The following EBF1 variants were observed in gnomAD, a reference collection of about 807,000 sequenced individuals.
The protein encoded by EBF1 is EBF transcription factor 1, also known as transcription factor COE1.
Under a neutral mutation model 68.4 loss-of-function variants are expected in EBF1, and 10 were observed. The observed-to-expected ratio is 0.15, with a 90% CI of 0.09 to 0.25. The LOEUF (loss-of-function observed/expected upper bound fraction) is 0.25, where lower values mean the gene tolerates loss of function less well. EBF1 is among the 10% of genes least tolerant of loss of function. EBF1 has a pLI of 1.00. For missense variants in EBF1, 509 were observed against 794.4 expected (o/e 0.64, Z 4.32); for synonymous variants, 298 against 299.8 (o/e 0.99, Z 0.06).
At chr5:158,715,286 A>G (rs571724088) in intron 11 of EBF1, among the ~76,000 whole-genome samples, 2 of 152,352 alleles carry the variant, frequency 1.3e-5, no homozygotes, top group Admixed American at 1.3e-4. Context: ...ATGGAGAAGC[A>G]GTGCTGTTCA....
At position 158,987,401 on chromosome 5, in the gene EBF1, C is replaced by G. The variant is rs141098171; in HGVS notation, c.554+85995G>C. Among the ~76,000 whole-genome samples the G allele has an allele frequency of 5.4e-3, 830 of 152,330 alleles. 5 individuals carry two copies. The highest frequency in any genetic ancestry group is 9.9e-3 in the Non-Finnish European group (672 of 68,042). On this transcript the variant is annotated intron_variant, in intron 6 of 15. Coordinates refer to ENST00000313708, the MANE Select transcript of EBF1 (RefSeq NM_024007.5). ...TCATGTTAAGCCCTCTAGCCTTCAG[C>G]CATAGAATCTTAAGCCCTTGGGGTT...
intron 6 of EBF1, among the ~76,000 whole-genome samples, chr5:158,943,227 C>G (rs1813861649): frequency 6.6e-6 from 1 of 152,094 alleles, no homozygotes; most frequent in South Asian, 2.1e-4. Flanking sequence ...GGCTAGTCAT[C>G]ATTCTAACTA....
At chr5:159,066,137 A>G (rs1314049641) in intron 6 of EBF1, among the ~76,000 whole-genome samples, 1 of 152,230 alleles carries the variant, frequency 6.6e-6, no homozygotes, top group Non-Finnish European at 1.5e-5. Context: ...GAGAGGAATC[A>G]AAAGGCCCAC....
intron 10 of EBF1, among the ~76,000 whole-genome samples, chr5:158,752,061 T>G (rs1184183809): frequency 6.6e-6 from 1 of 152,072 alleles, no homozygotes; most frequent in Non-Finnish European, 1.5e-5. Flanking sequence ...CCCCACTCTA[T>G]ATTTAGATTC....
chr5:158,966,307 A>G (rs1197082687), intron 6 of EBF1, among the ~76,000 whole-genome samples: 1 of 152,188 alleles, frequency 6.6e-6, no homozygotes, highest in Non-Finnish European at 1.5e-5. Context: ...ATTAAGCCTG[A>G]CCCATATTGA....
chr5:158,787,691 T>C (rs1456898894), intron 9 of EBF1, among the ~76,000 whole-genome samples: 9 of 152,184 alleles, frequency 5.9e-5, no homozygotes, highest in Non-Finnish European at 1.2e-4. Context: ...AGTTTCCTTA[T>C]TGGGGAAAGG....
intron 5 of EBF1, among the ~76,000 whole-genome samples, chr5:159,074,218 T>C (rs1778325969): frequency 6.6e-6 from 1 of 152,152 alleles, no homozygotes; most frequent in South Asian, 2.1e-4. Flanking sequence ...GCCTATGGGC[T>C]CGAAAAGTAC....
chr5:159,075,019 C>T (rs1039898027), intron 5 of EBF1, among the ~76,000 whole-genome samples: 7 of 152,154 alleles, frequency 4.6e-5, no homozygotes, highest in East Asian at 1.9e-4. Flanking sequence ...AACTCTGATC[C>T]CCTATACCTA....
At chr5:159,065,294 C>T (rs1422012430) in intron 6 of EBF1, among the ~76,000 whole-genome samples, 2 of 151,994 alleles carry the variant, frequency 1.3e-5, no homozygotes, top group Non-Finnish European at 2.9e-5. Flanking sequence ...GAAAAGTTAC[C>T]CAGCTGGGCT....
chr5:158,948,700 T>C (rs1443295461), intron 6 of EBF1, among the ~76,000 whole-genome samples: 5 of 152,194 alleles, frequency 3.3e-5, no homozygotes, highest in Non-Finnish European at 5.9e-5. Context: ...CCTCCCTTGC[T>C]TTCTCCAGTC....
At position 159,097,126 on chromosome 5, in the gene EBF1, C is replaced by T. The variant is rs1404810444; in HGVS notation, c.139G>A (p.Val47Met). 3 of 1,613,370 alleles carry T rather than the reference C, an allele frequency of 1.9e-6. No homozygotes were observed. Among genetic ancestry groups the T allele is most frequent in the African/African-American group, 2.7e-5 (2 of 74,934 alleles). The change falls in exon 2 of 16, where the codon GTG becomes ATG. Residue 47 changes from valine (V) to methionine (M), a missense_variant. Physicochemically the swap from Val to Met is conservative, Grantham distance 21. Transcript: ENST00000313708. The part of the protein sequence containing the change: ...LDANTAAQSG[V>M]GLARAHFEKQ... Reference sequence around the variant, plus strand: ...TCAAAGTGAGCCCGGGCCAGACCCACCCCGCTGCGGCCAAAGACGCAGAGT... The same window carrying T: ...TCAAAGTGAGCCCGGGCCAGACCCATCCCGCTGCGGCCAAAGACGCAGAGT...
chr5:159,057,295 C>T (rs1018618884), intron 6 of EBF1, among the ~76,000 whole-genome samples: 4 of 151,838 alleles, frequency 2.6e-5, no homozygotes, highest in African/African-American at 4.8e-5. Flanking sequence ...TTAGTAGAGA[C>T]GAGGTTTTGC....
Position 159,090,257 on chromosome 5 carries a change from GAAA to G in EBF1, c.411+5360_411+5362del, listed in dbSNP as rs59655056. 2.0e-3 allele frequency among the ~76,000 whole-genome samples: 277 copies of G among 138,180 alleles called. 2 individuals are homozygous for G. Among genetic ancestry groups the G allele is most frequent in the African/African-American group, 6.5e-3 (248 of 37,984 alleles). The allele number at this position is 138,180 out of a possible 152,430, so 90.7% of individuals were successfully genotyped here. On this transcript the variant is annotated intron_variant, in intron 4 of 15. Transcript: ENST00000313708. Reference sequence around the variant, plus strand: ...TGTTTGTCATTAAAAAAAAAAGAAAGAAAAAAAAAAAGGTGCTAGCTAATCTGG... The same window carrying G: ...TGTTTGTCATTAAAAAAAAAAGAAAGAAAAAAAAGGTGCTAGCTAATCTGG...
intron 6 of EBF1, among the ~76,000 whole-genome samples, chr5:159,071,268 T>C (rs1276984030): frequency 1.3e-5 from 2 of 152,220 alleles, no homozygotes; most frequent in African/African-American, 4.8e-5. Flanking sequence ...CTGTGGGGCT[T>C]GTGCACATAC....
chr5:158,849,847 G>T (rs1378457265), intron 6 of EBF1, among the ~76,000 whole-genome samples: 2 of 152,114 alleles, frequency 1.3e-5, no homozygotes, highest in Non-Finnish European at 2.9e-5. Flanking sequence ...CAGAACCTAG[G>T]GATGTTGGCC....
chr5:158,899,798 G>A (rs1255965310), intron 6 of EBF1, among the ~76,000 whole-genome samples: 1 of 152,200 alleles, frequency 6.6e-6, no homozygotes, highest in Non-Finnish European at 1.5e-5. Flanking sequence ...GGTGGTCAGA[G>A]CCATGTGTTT....
chr5:158,886,554 A>G (rs1446847160), intron 6 of EBF1, among the ~76,000 whole-genome samples: 1 of 152,226 alleles, frequency 6.6e-6, no homozygotes, highest in Non-Finnish European at 1.5e-5. Context: ...AATATAAAGT[A>G]AGTCATGTTT....
intron 6 of EBF1, among the ~76,000 whole-genome samples, chr5:158,858,155 C>T (rs750180994): frequency 6.6e-6 from 1 of 152,114 alleles, no homozygotes; most frequent in Non-Finnish European, 1.5e-5. Flanking sequence ...ATCCTCTGTT[C>T]GGAGTAAGTG....
chr5:158,947,993 T>C (rs367984866), intron 6 of EBF1, among the ~76,000 whole-genome samples: 1 of 152,222 alleles, frequency 6.6e-6, no homozygotes. Flanking sequence ...TTTCAGCATA[T>C]ACTGAAGAAC....
Sources: gnomAD v4.1 joint callset for allele counts (sites outside exome capture counted in the v4.1 genomes callset) on GRCh38, gnomAD v4.1.1 for gene constraint, MANE v1.5 for transcripts, NCBI Gene and HGNC (gene_info 2026-07-23, HGNC 2026-07-21) for gene names.